NETO1: variants seen among roughly 807,000 people sequenced by gnomAD.
NETO1 encodes the protein neuropilin and tolloid like 1.
NETO1 carries 26 observed loss-of-function variants against 61.3 expected under a neutral mutation model. That is an observed-to-expected ratio of 0.42 (90% CI 0.31 to 0.59). The LOEUF is 0.59. Among genes scored for constraint, NETO1 ranks in the 20% least tolerant of loss-of-function variants. The probability of loss-of-function intolerance (pLI) is 0.12; values close to 1 mark genes in which losing one functional copy is unlikely to be tolerated. For missense variants in NETO1, 531 were observed against 662.8 expected, an observed-to-expected ratio of 0.80 and a Z score of 2.18; for synonymous variants, 225 against 225.8, an observed-to-expected ratio of 1.00 and a Z score of 0.03.
intron 4 of NETO1, among the ~76,000 whole-genome samples, chr18:72,796,729 G>A (rs367936806): frequency 6.6e-6 from 1 of 152,020 alleles, no homozygotes; most frequent in African/African-American, 2.4e-5. Context: ...CTCCCAAAGT[G>A]CTGGGATTAC....
intron 7 of NETO1, among the ~76,000 whole-genome samples, chr18:72,782,740 G>A (rs2071786796): frequency 6.6e-6 from 1 of 152,196 alleles, no homozygotes; most frequent in African/African-American, 2.4e-5. Context: ...GGAGGCAAAG[G>A]TTGCTGTGAG....
chr18:72,844,508 A>G (rs1463020299), intron 4 of NETO1, among the ~76,000 whole-genome samples: 1 of 152,196 alleles, frequency 6.6e-6, no homozygotes, highest in East Asian at 1.9e-4. Flanking sequence ...CGCAATCTGA[A>G]TCAGACTTCA....
At chr18:72,756,985 G>A (rs2070806082) in intron 7 of NETO1, among the ~76,000 whole-genome samples, 1 of 152,096 alleles carries the variant, frequency 6.6e-6, no homozygotes, top group African/African-American at 2.4e-5. Context: ...AGTCTTTATA[G>A]TAATATTGCA....
Position 72,858,815 on chromosome 18 carries a change from T to A in NETO1, c.469+11A>T. ...AAGAAAAAGAAATTTTTTTTTTAAG[T>A]ACTTACTTACCAGGTGTGAAATTGT... On this transcript the variant is annotated intron_variant, in intron 4 of 10. Coordinates refer to ENST00000327305, the MANE Select transcript of NETO1 (RefSeq NM_138966.5). 6.3e-7 allele frequency: 1 copy of A among 1,584,738 alleles called. No homozygotes were observed. Among genetic ancestry groups the A allele is most frequent in the Middle Eastern group, 1.7e-4 (1 of 5,736 alleles).
At chr18:72,816,683 C>T (rs907364389) in intron 4 of NETO1, among the ~76,000 whole-genome samples, 6 of 152,178 alleles carry the variant, frequency 3.9e-5, no homozygotes, top group African/African-American at 1.2e-4. Flanking sequence ...GAATCATCAC[C>T]GTGGGTCCCC....
chr18:72,829,190 CTT>C (rs759859277), intron 4 of NETO1, among the ~76,000 whole-genome samples: 17 of 152,038 alleles, frequency 1.1e-4, no homozygotes, highest in Non-Finnish European at 2.4e-4. Flanking sequence ...TTTTAAAAGA[CTT>C]AGGATTAAAT....
At chr18:72,834,385 T>A (rs2073676331) in intron 4 of NETO1, 7 of 935,410 alleles carry the variant, frequency 7.5e-6, no homozygotes, top group Non-Finnish European at 8.9e-6. Flanking sequence ...AGAAACCAGA[T>A]AATAGATTTA....
At chr18:72,857,897 A>T (rs971481439) in intron 4 of NETO1, among the ~76,000 whole-genome samples, 4 of 152,168 alleles carry the variant, frequency 2.6e-5, no homozygotes, top group African/African-American at 9.6e-5. Context: ...ACTTATATTA[A>T]TAATTTTTAA....
intron 4 of NETO1, among the ~76,000 whole-genome samples, chr18:72,852,841 T>C (rs1428800614): frequency 1.3e-5 from 2 of 150,292 alleles, no homozygotes; most frequent in East Asian, 3.9e-4. Context: ...TTCTTTTTTT[T>C]TTTTTTTTTG....
chr18:72,805,880 GTTGGAGCTATGGTTAAAAACACAAA>G (rs2072659471), intron 4 of NETO1, among the ~76,000 whole-genome samples: 1 of 152,190 alleles, frequency 6.6e-6, no homozygotes, highest in East Asian at 1.9e-4. Flanking sequence ...TGAGTATGAT[GTTGGAGCTATGGTTAAAAACACAAA>G]TATGTTCAAA....
chr18:72,818,751 G>A (rs1292357234), intron 4 of NETO1, among the ~76,000 whole-genome samples: 1 of 152,018 alleles, frequency 6.6e-6, no homozygotes, highest in African/African-American at 2.4e-5. Context: ...AAAATATCAT[G>A]CTCATTATAA....
At chr18:72,772,788 T>G (rs1235045674) in intron 7 of NETO1, among the ~76,000 whole-genome samples, 4 of 115,760 alleles carry the variant, frequency 3.5e-5, no homozygotes, top group African/African-American at 3.2e-5. Flanking sequence ...CAGATCTCTA[T>G]ATAGTTCTCT....
intron 6 of NETO1, among the ~76,000 whole-genome samples, chr18:72,793,117 G>T (rs2072184266): frequency 6.6e-6 from 1 of 152,120 alleles, no homozygotes. Flanking sequence ...AACAGGGCCT[G>T]GCCTGCTTTT....
At chr18:72,781,114 T>A (rs12456530) in intron 7 of NETO1, among the ~76,000 whole-genome samples, 33,653 of 152,040 alleles carry the variant, frequency 0.22, 4,076 homozygotes, top group Admixed American at 0.32. Context: ...TGAAATATAA[T>A]GCTTTTATCA....
At chr18:72,802,411 A>C (rs1417184468) in intron 4 of NETO1, among the ~76,000 whole-genome samples, 2 of 152,240 alleles carry the variant, frequency 1.3e-5, no homozygotes, top group Non-Finnish European at 2.9e-5. Flanking sequence ...TGCTGATTAA[A>C]GTTTCAGCTT....
intron 4 of NETO1, among the ~76,000 whole-genome samples, chr18:72,803,231 G>T (rs772327677): frequency 2.0e-5 from 3 of 152,194 alleles, no homozygotes; most frequent in Non-Finnish European, 2.9e-5. Context: ...ATTTTTAAAT[G>T]AGATTGTTGT....
intron 4 of NETO1, among the ~76,000 whole-genome samples, chr18:72,808,293 A>G (rs2072744397): frequency 1.3e-5 from 2 of 152,174 alleles, no homozygotes; most frequent in South Asian, 4.1e-4. Flanking sequence ...TAAGAACTAC[A>G]TGAGTGTCTA....
At chr18:72,849,378 C>G (rs1159817123) in intron 4 of NETO1, among the ~76,000 whole-genome samples, 1 of 152,178 alleles carries the variant, frequency 6.6e-6, no homozygotes, top group Non-Finnish European at 1.5e-5. Flanking sequence ...AAACTTCATA[C>G]TTCCACAAAT....
At chr18:72,824,459 A>G (rs949365086) in intron 4 of NETO1, among the ~76,000 whole-genome samples, 1 of 152,236 alleles carries the variant, frequency 6.6e-6, no homozygotes, top group Non-Finnish European at 1.5e-5. Context: ...TTTGAACAAC[A>G]GAAAGTGTTC....
Sources: allele counts gnomAD v4.1 joint callset (sites outside exome capture counted in the v4.1 genomes callset), GRCh38; gene constraint gnomAD v4.1.1; transcripts MANE v1.5; gene names NCBI Gene and HGNC (gene_info 2026-07-23, HGNC 2026-07-21).